The following PALLD variants were observed in gnomAD, a reference collection of about 807,000 sequenced individuals.
The protein encoded by PALLD is palladin, cytoskeletal associated protein, also known as palladin.
Under a neutral mutation model 123.5 loss-of-function variants are expected in PALLD, and 61 were observed. That is an observed-to-expected ratio of 0.49 (90% CI 0.40 to 0.61). PALLD has a LOEUF of 0.61. Among genes scored for constraint, PALLD ranks in the 20% least tolerant of loss-of-function variants. PALLD has a pLI of 0.00. For synonymous variants in PALLD, 465 were observed against 496.4 expected (o/e 0.94, Z 0.84); for missense variants, 1,273 against 1,377.0 (o/e 0.92, Z 1.20).
intron 10 of PALLD, among the ~76,000 whole-genome samples, chr4:168,854,129 GTTT>G (rs1748220072): frequency 6.6e-6 from 1 of 151,988 alleles, no homozygotes; most frequent in African/African-American, 2.4e-5. Flanking sequence ...TTCAGTAAAT[GTTT>G]GCTACTACTG....
rs142483450 is a variant in PALLD, at chr4:168,761,006, T to C, written c.1964+49083T>C. ...AATGTGCCTCATTAGAAATGTCCGA[T>C]GCATTTTTTGTTCTCAGTCGTTCTT... On this transcript the variant is annotated intron_variant, in intron 10 of 21. Coordinates refer to ENST00000505667, the MANE Select transcript of PALLD (RefSeq NM_001166108.2). Among the ~76,000 whole-genome samples, 316 of 152,326 alleles carry C rather than the reference T, an allele frequency of 2.1e-3. 4 individuals carry two copies. The East Asian group carries it at 0.032, about 16-fold the overall frequency.
At chr4:168,633,296 C>T (rs1485139361) in intron 2 of PALLD, among the ~76,000 whole-genome samples, 4 of 152,124 alleles carry the variant, frequency 2.6e-5, no homozygotes, top group African/African-American at 7.2e-5. Context: ...TCTTACATTT[C>T]CCCCCGCGGT....
chr4:168,885,814 C>T (rs572808312), intron 10 of PALLD, among the ~76,000 whole-genome samples: 4 of 152,320 alleles, frequency 2.6e-5, no homozygotes, highest in South Asian at 4.1e-4. Context: ...TTGTGATGCT[C>T]ATTCCAACTA....
At chr4:168,832,077 A>G (rs1200655130) in intron 10 of PALLD, 1 of 985,060 alleles carries the variant, frequency 1.0e-6, no homozygotes, top group Non-Finnish European at 1.2e-6. Flanking sequence ...AAAGCCCGAT[A>G]CCTGCCCCGC....
intron 10 of PALLD, among the ~76,000 whole-genome samples, chr4:168,788,558 G>A (rs58969084): frequency 0.019 from 2,824 of 152,190 alleles, 80 homozygotes; most frequent in African/African-American, 0.064. Flanking sequence ...TCCCTGTCAC[G>A]ATCCATTCGT....
At chr4:168,805,191 C>T (rs985951402) in intron 10 of PALLD, among the ~76,000 whole-genome samples, 1 of 151,816 alleles carries the variant, frequency 6.6e-6, no homozygotes, top group Admixed American at 6.6e-5. Context: ...GAGACCATTA[C>T]TCAAAAATTT....
At chr4:168,833,100 C>A (rs76929596) in intron 10 of PALLD, among the ~76,000 whole-genome samples, 1 of 152,016 alleles carries the variant, frequency 6.6e-6, no homozygotes, top group African/African-American at 2.4e-5. Context: ...GCTTCCCGCC[C>A]GTTTGTCTCA....
chr4:168,549,873 A>G (rs1189658456), intron 2 of PALLD, among the ~76,000 whole-genome samples: 2 of 152,234 alleles, frequency 1.3e-5, no homozygotes, highest in African/African-American at 2.4e-5. Context: ...AGTAGCATTT[A>G]GCAAAAGGCA....
At position 168,904,795 on chromosome 4, in the gene PALLD, A is replaced by G. The variant is rs1187424767; in HGVS notation, c.2622+889A>G. 5.3e-5 allele frequency among the ~76,000 whole-genome samples: 8 copies of G among 152,108 alleles called. No individual in the cohort carries two copies. In the East Asian group the frequency reaches 1.5e-3, roughly 29 times the overall value. On this transcript the variant is annotated intron_variant, in intron 15 of 21. Coordinates refer to ENST00000505667, the MANE Select transcript of PALLD (RefSeq NM_001166108.2). ...TTGAAGAAAATATTTAGCATTAGAA[A>G]CTATATAAATAATTTTAATGACACT... is the stretch of plus-strand genomic sequence containing the variant.
chr4:168,560,903 A>C (rs1342217187), intron 2 of PALLD, among the ~76,000 whole-genome samples: 1 of 152,226 alleles, frequency 6.6e-6, no homozygotes, highest in Admixed American at 6.5e-5. Flanking sequence ...ACATACACAC[A>C]AGTACTCTAG....
chr4:168,569,544 G>A (rs1768762566), intron 2 of PALLD, among the ~76,000 whole-genome samples: 1 of 152,150 alleles, frequency 6.6e-6, no homozygotes, highest in African/African-American at 2.4e-5. Context: ...CAAAAGGGCT[G>A]TAGTGTTAGT....
intron 2 of PALLD, among the ~76,000 whole-genome samples, chr4:168,599,736 T>G (rs189455500): frequency 6.6e-6 from 1 of 152,272 alleles, no homozygotes; most frequent in Non-Finnish European, 1.5e-5. Flanking sequence ...TGAATAGCCA[T>G]TGCACTCCTG....
intron 8 of PALLD, among the ~76,000 whole-genome samples, chr4:168,705,809 T>TG (rs2150181215): frequency 6.6e-6 from 1 of 152,034 alleles, no homozygotes; most frequent in Non-Finnish European, 1.5e-5. Context: ...GCTAATTTTT[T>TG]TGTGTGTGTT....
At chr4:168,819,268 T>C (rs1742382268) in intron 10 of PALLD, among the ~76,000 whole-genome samples, 1 of 152,156 alleles carries the variant, frequency 6.6e-6, no homozygotes, top group South Asian at 2.1e-4. Context: ...GCAAGTGTAA[T>C]TCTTTTGTGA....
intron 10 of PALLD, among the ~76,000 whole-genome samples, chr4:168,824,283 A>AT (rs535617951): frequency 1.3e-5 from 2 of 151,792 alleles, no homozygotes; most frequent in Non-Finnish European, 2.9e-5. Flanking sequence ...TTATTTTTTT[A>AT]TTTTTTTACC....
chr4:168,506,312 T>C (rs951580631), intron 1 of PALLD, among the ~76,000 whole-genome samples: 6 of 152,134 alleles, frequency 3.9e-5, no homozygotes, highest in African/African-American at 1.4e-4. Flanking sequence ...TGCACAGAAG[T>C]CTCAGTTTGG....
At chr4:168,832,993 G>A (rs78441134) in intron 10 of PALLD, 4,198 of 152,386 alleles carry the variant, frequency 0.028, 189 homozygotes, top group African/African-American at 0.096. Context: ...CAACAAGGGA[G>A]GGTCCCGTGA....
intron 8 of PALLD, among the ~76,000 whole-genome samples, chr4:168,694,713 A>G (rs935958124): frequency 6.6e-6 from 1 of 152,254 alleles, no homozygotes; most frequent in African/African-American, 2.4e-5. Flanking sequence ...CAACTGAAAC[A>G]GGTTTTTCTT....
intron 2 of PALLD, among the ~76,000 whole-genome samples, chr4:168,542,084 C>T (rs1168538025): frequency 6.6e-6 from 1 of 152,162 alleles, no homozygotes; most frequent in African/African-American, 2.4e-5. Flanking sequence ...ATCACAAACA[C>T]ACACATACAC....
Sources: allele counts gnomAD v4.1 joint callset (sites outside exome capture counted in the v4.1 genomes callset), GRCh38; gene constraint gnomAD v4.1.1; transcripts MANE v1.5; gene names NCBI Gene and HGNC (gene_info 2026-07-23, HGNC 2026-07-21).